The following CCDC171 variants were observed in gnomAD, a reference collection of about 807,000 sequenced individuals.
CCDC171 encodes coiled-coil domain-containing protein 171.
CCDC171 carries 177 observed loss-of-function variants against 168.2 expected under a neutral mutation model. The observed-to-expected ratio is 1.05, with a 90% CI of 0.93 to 1.19. The LOEUF is 1.19. Among genes scored for constraint, CCDC171 ranks in the 50% most tolerant of loss-of-function variants. CCDC171 has a pLI of 0.00. For synonymous variants in CCDC171, 687 were observed against 540.8 expected (o/e 1.27, Z -3.75); for missense variants, 1,991 against 1,539.0 (o/e 1.29, Z -4.91).
rs116514300 is a variant in CCDC171, at chr9:15,717,862, G to A, written c.1319-3907G>A. Among the ~76,000 whole-genome samples the A allele has an allele frequency of 5.4e-3, 824 of 152,344 alleles. 6 individuals carry two copies. Among genetic ancestry groups the A allele is most frequent in the African/African-American group, 0.019 (806 of 41,586 alleles). ...CGTGTAGTACACACGGACCTTTGGT[G>A]AGAATCTGAGATCTGCTGGTTTGAA... On this transcript the variant is annotated intron_variant, in intron 11 of 25. Transcript: ENST00000380701.
At chr9:15,805,561 A>T (rs186426399) in intron 21 of CCDC171, among the ~76,000 whole-genome samples, 15 of 152,132 alleles carry the variant, frequency 9.9e-5, no homozygotes, top group South Asian at 4.2e-4. Flanking sequence ...TTTCCAGTGA[A>T]TTTTTTTAGC....
intron 6 of CCDC171, among the ~76,000 whole-genome samples, chr9:15,601,155 C>CT (rs2042821544): frequency 1.3e-5 from 2 of 152,328 alleles, no homozygotes; most frequent in Admixed American, 6.5e-5. Flanking sequence ...CACCCACTCT[C>CT]TGACAATCCT....
In CCDC171 at chr9:16,015,536, A is replaced by G. The variant is rs202018854; in HGVS notation, n.369-5053A>G. ...CCTCTGTATTTTCTGACTACAGCCT[A>G]TAATTTCCCACCTCTGTACTCTGTC... On this transcript the variant is annotated intron_variant and non_coding_transcript_variant, in intron 3 of 9. Coordinates refer to the CCDC171 transcript ENST00000486641. Among the ~76,000 whole-genome samples, 8 of 152,304 alleles carry G rather than the reference A, an allele frequency of 5.3e-5. No individual in the cohort carries two copies. The East Asian group carries it at 9.6e-4, about 18-fold the overall frequency.
chr9:15,839,097 C>A (rs569315020), intron 21 of CCDC171, among the ~76,000 whole-genome samples: 38 of 152,110 alleles, frequency 2.5e-4, no homozygotes, highest in Non-Finnish European at 4.3e-4. Flanking sequence ...TTCATCATTT[C>A]TTTACAAATA....
intron 4 of CCDC171, among the ~76,000 whole-genome samples, chr9:15,591,012 G>A (rs1306642182): frequency 6.6e-6 from 1 of 151,962 alleles, no homozygotes; most frequent in Non-Finnish European, 1.5e-5. Flanking sequence ...ACCACACTCA[G>A]CTGGTTTGTT....
At chr9:15,648,968 A>G (rs1000111413) in intron 7 of CCDC171, among the ~76,000 whole-genome samples, 13 of 152,192 alleles carry the variant, frequency 8.5e-5, no homozygotes, top group African/African-American at 2.4e-4. Context: ...GAACAAAGCT[A>G]GAGGCATCAT....
At chr9:15,762,448 A>G (rs10738411) in intron 18 of CCDC171, among the ~76,000 whole-genome samples, 57,915 of 152,090 alleles carry the variant, frequency 0.38, 13,715 homozygotes, top group East Asian at 0.66. Context: ...TAGCCTACAC[A>G]CTTGTGTTCA....
chr9:15,864,215 C>A (rs1481822659), intron 23 of CCDC171, among the ~76,000 whole-genome samples: 1 of 151,996 alleles, frequency 6.6e-6, no homozygotes, highest in Non-Finnish European at 1.5e-5. Context: ...CTTAGTCCAT[C>A]ATTTTTGCCA....
At chr9:15,634,112 A>C (rs541543203) in intron 7 of CCDC171, among the ~76,000 whole-genome samples, 1 of 152,310 alleles carries the variant, frequency 6.6e-6, no homozygotes, top group African/African-American at 2.4e-5. Context: ...CCAGCATGGC[A>C]CATGTTTACA....
intron 24 of CCDC171, among the ~76,000 whole-genome samples, chr9:15,896,903 G>A (rs992494026): frequency 2.0e-5 from 3 of 151,978 alleles, no homozygotes; most frequent in African/African-American, 4.8e-5. Context: ...AAATAACGAA[G>A]GGAGAGGAAC....
intron 24 of CCDC171, among the ~76,000 whole-genome samples, chr9:15,877,829 A>G (rs1818060362): frequency 6.6e-6 from 1 of 152,198 alleles, no homozygotes; most frequent in African/African-American, 2.4e-5. Flanking sequence ...CAATTTTTCA[A>G]TAATTATGAT....
At chr9:15,864,089 T>C (rs2061669860) in intron 23 of CCDC171, among the ~76,000 whole-genome samples, 1 of 152,036 alleles carries the variant, frequency 6.6e-6, no homozygotes, top group South Asian at 2.1e-4. Flanking sequence ...TGGTTAAGCT[T>C]TTACCTGGTT....
intron 23 of CCDC171, among the ~76,000 whole-genome samples, chr9:15,852,056 A>G (rs1226591869): frequency 6.6e-6 from 1 of 151,750 alleles, no homozygotes; most frequent in Admixed American, 6.6e-5. Context: ...TTGTGTAAAA[A>G]TTTTTGTTTG....
At chr9:15,765,975 C>G (rs2056700635) in intron 18 of CCDC171, among the ~76,000 whole-genome samples, 1 of 152,130 alleles carries the variant, frequency 6.6e-6, no homozygotes, top group Admixed American at 6.5e-5. Flanking sequence ...AAAATAAAGA[C>G]AGTACCTCCC....
chr9:15,714,209 A>G (rs1364718276), intron 11 of CCDC171, among the ~76,000 whole-genome samples: 1 of 152,188 alleles, frequency 6.6e-6, no homozygotes, highest in Non-Finnish European at 1.5e-5. Flanking sequence ...TAATCTCTAC[A>G]GTCTTGCCAG....
At chr9:16,034,715 T>G (rs1179537404) in intron 6 of CCDC171, among the ~76,000 whole-genome samples, 1 of 152,144 alleles carries the variant, frequency 6.6e-6, no homozygotes, top group Non-Finnish European at 1.5e-5. Context: ...TGGCTTTAGT[T>G]TTTTGGAAAG....
At chr9:16,040,821 G>C (rs372382545), upstream of CCDC171, among the ~76,000 whole-genome samples, 1 of 151,966 alleles carries the variant, frequency 6.6e-6, no homozygotes, top group Non-Finnish European at 1.5e-5. Context: ...CTCTACTTCT[G>C]TACCCCAAAC....
the CCDC171 span, among the ~76,000 whole-genome samples, chr9:16,071,078 G>C: frequency 6.6e-6 from 1 of 152,154 alleles, no homozygotes; most frequent in Admixed American, 6.5e-5. Flanking sequence ...AAAGCCTGGA[G>C]CTCCCAGGAG....
intron 7 of CCDC171, among the ~76,000 whole-genome samples, chr9:15,631,817 C>G (rs1480017745): frequency 6.6e-6 from 1 of 152,186 alleles, no homozygotes; most frequent in Non-Finnish European, 1.5e-5. Flanking sequence ...AAAAGCTTAT[C>G]CACCATGATC....
Sources: allele counts gnomAD v4.1 joint callset (sites outside exome capture counted in the v4.1 genomes callset), GRCh38; gene constraint gnomAD v4.1.1; transcripts MANE v1.5; gene names NCBI Gene and HGNC (gene_info 2026-07-23, HGNC 2026-07-21).